Variants in FAM76A observed in about 807,000 individuals in gnomAD.
FAM76A encodes family with sequence similarity 76 member A, also known as protein FAM76A.
Under a neutral mutation model 46.2 loss-of-function variants are expected in FAM76A, and 32 were observed. The observed-to-expected ratio is 0.69, with a 90% CI of 0.52 to 0.93. The LOEUF (loss-of-function observed/expected upper bound fraction) is 0.93, where lower values mean the gene tolerates loss of function less well. FAM76A is among the 40% of genes least tolerant of loss of function. The pLI is 0.00. For synonymous variants in FAM76A, 137 were observed against 127.0 expected, an observed-to-expected ratio of 1.08 and a Z score of -0.53; for missense variants, 274 against 361.5, an observed-to-expected ratio of 0.76 and a Z score of 1.96.
chr1:27,736,663 C>G (rs1282911752), intron 4 of FAM76A, among the ~76,000 whole-genome samples: 2 of 152,172 alleles, frequency 1.3e-5, no homozygotes, highest in African/African-American at 4.8e-5. Context: ...CCTCAGCTCA[C>G]CACAACCTCT....
intron 4 of FAM76A, chr1:27,740,223 C>A: frequency 1.5e-6 from 1 of 658,324 alleles, no homozygotes; most frequent in East Asian, 3.1e-5. Flanking sequence ...GTACACCTTT[C>A]ATCTTGAGGC....
intron 6 of FAM76A, among the ~76,000 whole-genome samples, chr1:27,751,504 T>C (rs531543423): frequency 6.6e-6 from 1 of 151,924 alleles, no homozygotes; most frequent in East Asian, 1.9e-4. Context: ...ATTTCTTTTT[T>C]TTTTTTTTTC....
chr1:27,747,743 C>G (rs1329775627), intron 5 of FAM76A, among the ~76,000 whole-genome samples: 1 of 151,958 alleles, frequency 6.6e-6, no homozygotes, highest in African/African-American at 2.4e-5. Flanking sequence ...ATGGTGAAAC[C>G]CGTCTCTACC....
At chr1:27,734,962 C>T (rs2088020351) in intron 4 of FAM76A, among the ~76,000 whole-genome samples, 1 of 152,230 alleles carries the variant, frequency 6.6e-6, no homozygotes, top group Non-Finnish European at 1.5e-5. Context: ...TACTCTCTTG[C>T]TTAAAATCCT....
intron 4 of FAM76A, among the ~76,000 whole-genome samples, chr1:27,744,208 A>G (rs1027432152): frequency 1.3e-5 from 2 of 152,096 alleles, no homozygotes; most frequent in Admixed American, 6.6e-5. Flanking sequence ...GGCTCACCAC[A>G]ACCTCCGCCT....
chr1:27,730,120 C>G (rs1167540958), intron 2 of FAM76A: 3 of 166,968 alleles, frequency 1.8e-5, no homozygotes, highest in African/African-American at 7.2e-5. Flanking sequence ...TTTATTTACA[C>G]TATACATACA....
intron 7 of FAM76A, among the ~76,000 whole-genome samples, chr1:27,756,960 A>C (rs1477355610): frequency 1.3e-5 from 2 of 151,716 alleles, no homozygotes; most frequent in Admixed American, 6.6e-5. Flanking sequence ...TTGGGAGGCT[A>C]AGGTGGGAGG....
intron 5 of FAM76A, 59 bp from the exon 6 acceptor site, chr1:27,749,009 G>A (rs1284190978): frequency 1.8e-6 from 2 of 1,133,060 alleles, no homozygotes; most frequent in East Asian, 2.4e-5. Flanking sequence ...GACTTTCATT[G>A]TGATGTTTTG....
chr1:27,751,514 C>CT (rs1215081880), intron 6 of FAM76A, among the ~76,000 whole-genome samples: 3 of 82,348 alleles, frequency 3.6e-5, no homozygotes, highest in Non-Finnish European at 5.3e-5. Flanking sequence ...TTTTTTTTTT[C>CT]TTTTTTTTGA....
Position 27,749,147 on chromosome 1 carries a change from G to A in FAM76A, c.592G>A (p.Gly198Arg). The change falls in exon 6 of 9, where the codon GGA (glycine) becomes AGA (arginine). Residue 198 changes from glycine (G) to arginine (R), a missense_variant. Physicochemically the swap from Gly to Arg is moderately radical, Grantham distance 125. Transcript: ENST00000373954. ...CAAGTTTGAGTCAATCACAACTAATGGAGACAGGTGAGCCAGTTGGAGTAT... is the reference window on the plus strand; with the variant it reads ...CAAGTTTGAGTCAATCACAACTAATAGAGACAGGTGAGCCAGTTGGAGTAT... Reference protein sequence around the residue: ...KSKFESITTNGDSFSPDLALD... With the variant: ...KSKFESITTNRDSFSPDLALD... 1 of 1,598,732 alleles carries A rather than the reference G, an allele frequency of 6.3e-7. No individual in the cohort carries two copies. Among genetic ancestry groups the A allele is most frequent in the Non-Finnish European group, 8.5e-7 (1 of 1,174,942 alleles).
intron 5 of FAM76A, among the ~76,000 whole-genome samples, chr1:27,745,634 C>T (rs1004932107): frequency 2.1e-4 from 32 of 152,034 alleles, no homozygotes; most frequent in African/African-American, 7.0e-4. Flanking sequence ...TATAATGTAA[C>T]GGGTACCACA....
chr1:27,744,778 A>G lies in FAM76A; in HGVS notation c.479A>G (p.Tyr160Cys). The change falls in exon 5 of 9, where the codon TAT becomes TGT. Residue 160 changes from tyrosine (Y) to cysteine (C), a missense_variant. Physicochemically the swap from Tyr to Cys is radical, Grantham distance 194. Transcript: ENST00000373954. ...SRAGHQEKEQ[Y>C]SRLSGGGHYN... ...GCTGGCCACCAGGAGAAGGAGCAGT[A>G]TAGTCGCCTGAGTGGTGGTGGCCAT... 1.2e-6 allele frequency: 2 copies of G among 1,614,180 alleles called. No individual in the cohort carries two copies. The highest frequency in any genetic ancestry group is 2.2e-5 in the South Asian group (2 of 91,078).
intron 6 of FAM76A, among the ~76,000 whole-genome samples, chr1:27,753,208 G>T (rs970085400): frequency 4.6e-5 from 7 of 152,306 alleles, no homozygotes; most frequent in Admixed American, 3.9e-4. Context: ...GAGAGAGTTA[G>T]TGAGGTCAGT....
At chr1:27,750,151 C>T (rs894613120) in intron 6 of FAM76A, among the ~76,000 whole-genome samples, 3 of 152,208 alleles carry the variant, frequency 2.0e-5, no homozygotes, top group Non-Finnish European at 4.4e-5. Flanking sequence ...TCACAGTTCT[C>T]CTTCCCAGCC....
chr1:27,734,278 T>C (rs1330866737), intron 4 of FAM76A, 95 bp downstream of exon 4: 1 of 1,326,186 alleles, frequency 7.5e-7, no homozygotes, highest in African/African-American at 1.5e-5. Context: ...CCGGGCGTGG[T>C]GGCTCATGCC....
At chr1:27,736,178 C>T (rs963057558) in intron 4 of FAM76A, among the ~76,000 whole-genome samples, 10 of 151,996 alleles carry the variant, frequency 6.6e-5, no homozygotes, top group African/African-American at 9.6e-5. Context: ...AAAAATTAAC[C>T]GGGCGTGGTG....
At chr1:27,743,512 T>G (rs1369183311) in intron 4 of FAM76A, among the ~76,000 whole-genome samples, 1 of 152,138 alleles carries the variant, frequency 6.6e-6, no homozygotes, top group Non-Finnish European at 1.5e-5. Context: ...CGCCTGTAAG[T>G]TCAGCACTTT....
chr1:27,741,665 G>A (rs985803136), intron 4 of FAM76A, among the ~76,000 whole-genome samples: 4 of 152,044 alleles, frequency 2.6e-5, no homozygotes, highest in Non-Finnish European at 5.9e-5. Context: ...TGGATCACCT[G>A]AGGTCAGGAG....
intron 4 of FAM76A, among the ~76,000 whole-genome samples, chr1:27,743,399 C>T (rs1024728066): frequency 6.6e-6 from 1 of 152,154 alleles, no homozygotes; most frequent in African/African-American, 2.4e-5. Context: ...CGCAGTCCAC[C>T]TGCCTCAGCT....
Sources: gnomAD v4.1 joint callset for allele counts (sites outside exome capture counted in the v4.1 genomes callset) on GRCh38, gnomAD v4.1.1 for gene constraint, MANE v1.5 for transcripts, NCBI Gene and HGNC (gene_info 2026-07-23, HGNC 2026-07-21) for gene names.